ARHGAP26: variants seen among roughly 807,000 people sequenced by gnomAD.
ARHGAP26 encodes the protein rho GTPase-activating protein 26.
In ARHGAP26, 38 loss-of-function variants were observed where a neutral mutation model predicts 104.8. The ratio of observed to expected loss-of-function variants is 0.36; its 90% confidence interval spans 0.28 to 0.48. The LOEUF is 0.48. Among genes scored for constraint, ARHGAP26 ranks in the 20% least tolerant of loss-of-function variants. The probability of loss-of-function intolerance (pLI) is 0.99; values close to 1 mark genes in which losing one functional copy is unlikely to be tolerated. For synonymous variants in ARHGAP26, 341 were observed against 340.0 expected, an observed-to-expected ratio of 1.00 and a Z score of -0.03; for missense variants, 704 against 947.9, an observed-to-expected ratio of 0.74 and a Z score of 3.38.
In ARHGAP26 at chr5:142,871,897, G is replaced by A. The variant is rs549442416; in HGVS notation, c.155-1503G>A. Among the ~76,000 whole-genome samples, 2 of 152,344 alleles carry A rather than the reference G, an allele frequency of 1.3e-5. No individual in the cohort carries two copies. The highest frequency in any genetic ancestry group is 1.9e-4 in the East Asian group (1 of 5,182). ...CCTGTGTTCCCCTTCTCCACCCCAAGTGCCTTCTTTTGGTGTAGAGCAGAG... is the reference window on the plus strand; with the variant it reads ...CCTGTGTTCCCCTTCTCCACCCCAAATGCCTTCTTTTGGTGTAGAGCAGAG... On this transcript the variant is annotated intron_variant, in intron 1 of 22. Transcript: ENST00000645722. The surrounding 1 kb of genome is among the most constrained non-coding windows in gnomAD (Gnocchi z 4.1).
intron 17 of ARHGAP26, among the ~76,000 whole-genome samples, chr5:143,068,811 G>A (rs1562364930): frequency 6.6e-6 from 1 of 152,108 alleles, no homozygotes; most frequent in Non-Finnish European, 1.5e-5. Flanking sequence ...ATTCTTTCTT[G>A]AACCTCAGGC....
At chr5:143,092,249 C>T (rs1422718444) in intron 17 of ARHGAP26, among the ~76,000 whole-genome samples, 2 of 151,120 alleles carry the variant, frequency 1.3e-5, no homozygotes, top group Admixed American at 6.6e-5. Context: ...CTGCAAGCTC[C>T]GCCTCCCAGG....
At chr5:143,184,671 A>G (rs1013251610) in intron 20 of ARHGAP26, among the ~76,000 whole-genome samples, 1 of 151,888 alleles carries the variant, frequency 6.6e-6, no homozygotes, top group African/African-American at 2.4e-5. Flanking sequence ...AGTGGTTCAG[A>G]GAAGTCCCCT....
chr5:142,914,368 A>G (rs1762216123), intron 10 of ARHGAP26, among the ~76,000 whole-genome samples: 1 of 152,296 alleles, frequency 6.6e-6, no homozygotes, highest in African/African-American at 2.4e-5. Flanking sequence ...CTGTCAAGCC[A>G]GACAACCTGG....
chr5:143,122,326 C>T (rs976578812), intron 18 of ARHGAP26, among the ~76,000 whole-genome samples: 19 of 152,208 alleles, frequency 1.2e-4, no homozygotes, highest in African/African-American at 3.6e-4. Context: ...TCAAGGCCTT[C>T]GCAGTTGCTG....
At chr5:143,024,309 A>G (rs1451514533) in intron 12 of ARHGAP26, among the ~76,000 whole-genome samples, 1 of 152,070 alleles carries the variant, frequency 6.6e-6, no homozygotes, top group African/African-American at 2.4e-5. Context: ...GACACTTGAC[A>G]AATCTACCCT....
chr5:142,897,985 A>G (rs1315973445), intron 6 of ARHGAP26, among the ~76,000 whole-genome samples: 5 of 152,212 alleles, frequency 3.3e-5, no homozygotes, highest in African/African-American at 1.2e-4. Flanking sequence ...TCTTCCAGTC[A>G]TGTAAGGGAC....
intron 10 of ARHGAP26, among the ~76,000 whole-genome samples, chr5:142,923,857 C>CTTTTTTTTTT (rs11389284): frequency 9.4e-6 from 1 of 105,870 alleles, no homozygotes; most frequent in Non-Finnish European, 1.8e-5. Context: ...GGATCAGATC[C>CTTTTTTTTTT]TTTTTTTTTT....
chr5:142,836,806 A>G (rs1202989779), intron 1 of ARHGAP26, among the ~76,000 whole-genome samples: 1 of 152,208 alleles, frequency 6.6e-6, no homozygotes, highest in Non-Finnish European at 1.5e-5. Context: ...TACAGGTATT[A>G]TTTCATGTAT....
intron 18 of ARHGAP26, among the ~76,000 whole-genome samples, chr5:143,130,294 C>T (rs1473318542): frequency 6.6e-6 from 1 of 152,210 alleles, no homozygotes. Flanking sequence ...TTTTGTTTTA[C>T]AATTTTATTC....
intron 17 of ARHGAP26, among the ~76,000 whole-genome samples, chr5:143,088,153 C>A (rs1258749085): frequency 1.3e-5 from 2 of 152,206 alleles, no homozygotes; most frequent in African/African-American, 4.8e-5. Flanking sequence ...ATTTTATGTG[C>A]TTCTGAGATT....
chr5:142,903,690 C>T (rs1339322008), intron 8 of ARHGAP26, 21 bp downstream of exon 8: 3 of 1,611,684 alleles, frequency 1.9e-6, no homozygotes, highest in East Asian at 4.5e-5. Flanking sequence ...TGACTAGCAA[C>T]AGCTTGGGAT....
intron 1 of ARHGAP26, among the ~76,000 whole-genome samples, chr5:142,823,005 C>T (rs768024070): frequency 5.9e-5 from 9 of 152,210 alleles, no homozygotes; most frequent in Non-Finnish European, 8.8e-5. Context: ...TAGCAGCTAT[C>T]ATTTATTGTA....
chr5:142,957,501 T>C (rs1393176868), intron 11 of ARHGAP26, among the ~76,000 whole-genome samples: 2 of 152,216 alleles, frequency 1.3e-5, no homozygotes, highest in African/African-American at 2.4e-5. Flanking sequence ...ACTTTGTGGC[T>C]CGTCTTTGTA....
chr5:142,913,510 C>T (rs1762102292), intron 10 of ARHGAP26, among the ~76,000 whole-genome samples: 1 of 151,846 alleles, frequency 6.6e-6, no homozygotes, highest in Admixed American at 6.6e-5. Context: ...TCATTAGAAC[C>T]TCCCTATCTT....
At chr5:143,033,970 G>A (rs1399222126) in intron 12 of ARHGAP26, among the ~76,000 whole-genome samples, 2 of 152,140 alleles carry the variant, frequency 1.3e-5, no homozygotes, top group East Asian at 3.9e-4. Flanking sequence ...ACTGTATAAA[G>A]GAATGAAAAT....
At chr5:143,121,172 G>C in intron 18 of ARHGAP26, 25 bp downstream of exon 18, 1 of 1,604,320 alleles carries the variant, frequency 6.2e-7, no homozygotes, top group East Asian at 2.2e-5. Context: ...ATCACTTGCA[G>C]TGAAGAATGT....
intron 1 of ARHGAP26, among the ~76,000 whole-genome samples, chr5:142,795,037 ATCT>A (rs113118027): frequency 0.15 from 22,834 of 151,908 alleles, 2,263 homozygotes; most frequent in African/African-American, 0.27. Flanking sequence ...TCTCTGTCAT[ATCT>A]TCTTCTTCTT....
At chr5:143,021,009 A>G (rs992907960) in intron 12 of ARHGAP26, among the ~76,000 whole-genome samples, 1 of 152,198 alleles carries the variant, frequency 6.6e-6, no homozygotes, top group African/African-American at 2.4e-5. Flanking sequence ...GCAGTTTGCC[A>G]ATTTGTCATT....
Sources: allele counts gnomAD v4.1 joint callset (sites outside exome capture counted in the v4.1 genomes callset), GRCh38; gene constraint gnomAD v4.1.1; non-coding constraint Gnocchi (gnomAD v3.1); transcripts MANE v1.5; gene names NCBI Gene and HGNC (gene_info 2026-07-23, HGNC 2026-07-21).